The following SH3BGRL2 variants were observed in gnomAD, a reference collection of about 807,000 sequenced individuals.
The protein encoded by SH3BGRL2 is SH3 domain binding glutamate rich protein like 2.
In SH3BGRL2, 21 loss-of-function variants were observed where a neutral mutation model predicts 14.8. That is an observed-to-expected ratio of 1.42 (90% CI 1.01 to 2.05). The LOEUF (loss-of-function observed/expected upper bound fraction) is 2.05, where lower values mean the gene tolerates loss of function less well. SH3BGRL2 is among the 30% of genes most tolerant of loss of function. The pLI, the probability that SH3BGRL2 is intolerant of heterozygous loss-of-function variation, is 0.00. For missense variants in SH3BGRL2, 147 were observed against 130.8 expected (o/e 1.12, Z -0.61); for synonymous variants, 50 against 47.8 (o/e 1.05, Z -0.19).
rs1005032132 is a variant in SH3BGRL2, at chr6:79,703,195, T to C, written c.*3686T>C. ...AGCCCCTAAAATGTGGTAAGTGTTG[T>C]CAGAGCAGGGCAATATCTCTACTCT... On this transcript the variant is annotated 3_prime_UTR_variant, in exon 4 of 4. Coordinates refer to ENST00000369838, the MANE Select transcript of SH3BGRL2 (RefSeq NM_031469.4). The C allele has an allele frequency of 6.6e-6, 1 of 152,172 alleles. No individual in the cohort carries two copies. Among genetic ancestry groups the C allele is most frequent in the African/African-American group, 2.4e-5 (1 of 41,446 alleles). 9.4% of individuals were successfully genotyped at this position (152,172 alleles called of 1,614,324 possible). A position where few individuals can be genotyped will look rare whatever the true frequency, so the allele number is the denominator to read the frequency against.
At chr6:79,622,666 T>C in the SH3BGRL2 span, among the ~76,000 whole-genome samples, 1 of 152,218 alleles carries the variant, frequency 6.6e-6, no homozygotes. Context: ...GTCTAGTATA[T>C]ATTAGCAACT....
At chr6:79,692,219 T>C (rs1474517236) in intron 2 of SH3BGRL2, among the ~76,000 whole-genome samples, 1 of 152,242 alleles carries the variant, frequency 6.6e-6, no homozygotes. Context: ...TTTTTTCTTG[T>C]AAATTTATTT....
chr6:79,639,239 C>G (rs1485748030), intron 1 of SH3BGRL2, among the ~76,000 whole-genome samples: 1 of 152,096 alleles, frequency 6.6e-6, no homozygotes, highest in East Asian at 1.9e-4. Context: ...GAATGTTTCA[C>G]TTTCTAAAGT....
intron 1 of SH3BGRL2, among the ~76,000 whole-genome samples, chr6:79,668,180 G>C (rs2812709): frequency 0.7 from 106,488 of 151,936 alleles, 37,710 homozygotes; most frequent in East Asian, 0.95. Context: ...AGTTAACTGG[G>C]ATCCTCCCGG....
chr6:79,556,407 T>C, the SH3BGRL2 span, among the ~76,000 whole-genome samples: 1 of 152,126 alleles, frequency 6.6e-6, no homozygotes, highest in Admixed American at 6.5e-5. Context: ...TTAGCAAAAG[T>C]AGGAAAGTCT....
chr6:79,554,927 T>C, the SH3BGRL2 span, among the ~76,000 whole-genome samples: 2 of 117,410 alleles, frequency 1.7e-5, no homozygotes, highest in Non-Finnish European at 3.5e-5. Flanking sequence ...TGCACAAATA[T>C]TATTATTACA....
chr6:79,621,349 T>C, the SH3BGRL2 span, among the ~76,000 whole-genome samples: 4 of 152,168 alleles, frequency 2.6e-5, no homozygotes, highest in Non-Finnish European at 4.4e-5. Flanking sequence ...GGTATAGCTC[T>C]CATGAATGAG....
chr6:79,618,563 G>A, the SH3BGRL2 span, among the ~76,000 whole-genome samples: 2 of 151,588 alleles, frequency 1.3e-5, no homozygotes, highest in South Asian at 2.1e-4. Context: ...AAAATTAGCC[G>A]GGCATGGTGG....
chr6:79,584,414 G>A, the SH3BGRL2 span, among the ~76,000 whole-genome samples: 1 of 152,134 alleles, frequency 6.6e-6, no homozygotes, highest in South Asian at 2.1e-4. Context: ...TTTTCCAAAT[G>A]GAAATGTAAA....
chr6:79,558,884 C>A, the SH3BGRL2 span, among the ~76,000 whole-genome samples: 1 of 151,678 alleles, frequency 6.6e-6, no homozygotes, highest in Non-Finnish European at 1.5e-5. Flanking sequence ...TTTGAATATG[C>A]CAGAAAGTAA....
chr6:79,661,912 T>G (rs1769557425), intron 1 of SH3BGRL2, among the ~76,000 whole-genome samples: 1 of 152,240 alleles, frequency 6.6e-6, no homozygotes, highest in Non-Finnish European at 1.5e-5. Flanking sequence ...TTTTGATCTT[T>G]GTTGGTCTAA....
In SH3BGRL2 at chr6:79,648,255, CATATATATATATAT is replaced by C. The variant is rs60702112; in HGVS notation, c.45+16764_45+16777del. Among the ~76,000 whole-genome samples the C allele has an allele frequency of 3.4e-3, 213 of 62,456 alleles. 9 individuals are homozygous for C. The highest frequency in any genetic ancestry group is 0.013 in the African/African-American group (200 of 15,872). The allele number at this position is 62,456 out of a possible 152,430, so 41.0% of individuals were successfully genotyped here. A position where few individuals can be genotyped will look rare whatever the true frequency, so the allele number is the denominator to read the frequency against. ...ACATTTTCTCTCTCTATTCTTTTGGCATATATATATATATATATATATATATATTTGACATATAT... is the reference window on the plus strand; with the variant it reads ...ACATTTTCTCTCTCTATTCTTTTGGCATATATATATATATTTGACATATAT... On this transcript the variant is annotated intron_variant, in intron 1 of 3. Coordinates refer to ENST00000369838, the MANE Select transcript of SH3BGRL2 (RefSeq NM_031469.4).
chr6:79,643,012 A>T (rs949153806), intron 1 of SH3BGRL2, among the ~76,000 whole-genome samples: 1 of 152,186 alleles, frequency 6.6e-6, no homozygotes, highest in African/African-American at 2.4e-5. Context: ...CACCTGGAAG[A>T]GGGGACCCAT....
chr6:79,581,422 T>C, the SH3BGRL2 span, among the ~76,000 whole-genome samples: 5 of 152,070 alleles, frequency 3.3e-5, no homozygotes, highest in African/African-American at 9.7e-5. Flanking sequence ...CCAGCAGCAC[T>C]TCAAAAAGCT....
chr6:79,623,333 CGG>C, the SH3BGRL2 span, among the ~76,000 whole-genome samples: 2 of 151,500 alleles, frequency 1.3e-5, no homozygotes, highest in Admixed American at 1.3e-4. Flanking sequence ...GATTTACAAT[CGG>C]GGGCAATTAA....
At chr6:79,546,631 A>T in the SH3BGRL2 span, among the ~76,000 whole-genome samples, 1 of 152,136 alleles carries the variant, frequency 6.6e-6, no homozygotes, top group South Asian at 2.1e-4. Context: ...AATTCATAGA[A>T]ATTCATAGGG....
At chr6:79,626,482 C>T (rs1015387176), upstream of SH3BGRL2, among the ~76,000 whole-genome samples, 1 of 152,262 alleles carries the variant, frequency 6.6e-6, no homozygotes, top group East Asian at 1.9e-4. Flanking sequence ...CTTCAAGACA[C>T]TGCAATCTAG....
the SH3BGRL2 span, among the ~76,000 whole-genome samples, chr6:79,545,724 C>T: frequency 2.0e-5 from 3 of 152,140 alleles, no homozygotes; most frequent in African/African-American, 4.8e-5. Flanking sequence ...TCATCCAAAA[C>T]GCTGGCCACT....
At chr6:79,678,162 T>G (rs940152123) in intron 2 of SH3BGRL2, among the ~76,000 whole-genome samples, 2 of 152,208 alleles carry the variant, frequency 1.3e-5, no homozygotes, top group African/African-American at 4.8e-5. Flanking sequence ...TAAAAACATA[T>G]AACACTTACT....
Sources: allele counts gnomAD v4.1 joint callset (sites outside exome capture counted in the v4.1 genomes callset), GRCh38; gene constraint gnomAD v4.1.1; transcripts MANE v1.5; gene names NCBI Gene and HGNC (gene_info 2026-07-23, HGNC 2026-07-21).